The following CTNNA3 variants were observed in gnomAD, a reference collection of about 807,000 sequenced individuals.
CTNNA3 encodes the protein catenin alpha 3, also known as catenin alpha-3.
In CTNNA3, 76 loss-of-function variants were observed where a neutral mutation model predicts 95.7. The ratio of observed to expected loss-of-function variants is 0.79; its 90% CI spans 0.66 to 0.96. The LOEUF is 0.96. Ranked by LOEUF, CTNNA3 falls within the 40% of genes least tolerant of loss-of-function variation. The pLI, the probability that CTNNA3 is intolerant of heterozygous loss-of-function variation, is 0.00. For synonymous variants in CTNNA3, 431 were observed against 374.4 expected, an observed-to-expected ratio of 1.15 and a Z score of -1.74; for missense variants, 1,191 against 1,089.8, an observed-to-expected ratio of 1.09 and a Z score of -1.31.
intron 7 of CTNNA3, among the ~76,000 whole-genome samples, chr10:67,097,020 G>A (rs1313659555): frequency 6.6e-6 from 1 of 151,886 alleles, no homozygotes; most frequent in Non-Finnish European, 1.5e-5. Flanking sequence ...GGTTATCGAA[G>A]TGTGGTGTGT....
intron 12 of CTNNA3, among the ~76,000 whole-genome samples, chr10:66,323,950 C>T (rs937308024): frequency 2.0e-5 from 3 of 151,898 alleles, no homozygotes; most frequent in Non-Finnish European, 4.4e-5. Flanking sequence ...AGTTTAGTGG[C>T]TGAATGGTCC....
chr10:67,568,451 T>C (rs1326650961), intron 3 of CTNNA3, among the ~76,000 whole-genome samples: 1 of 138,518 alleles, frequency 7.2e-6, no homozygotes, highest in Non-Finnish European at 1.5e-5. Context: ...CCCTGATTGT[T>C]CCAGTATATA....
At chr10:66,127,683 A>G (rs1740462099) in intron 13 of CTNNA3, among the ~76,000 whole-genome samples, 1 of 152,220 alleles carries the variant, frequency 6.6e-6, no homozygotes, top group Non-Finnish European at 1.5e-5. Flanking sequence ...CATGAACTTA[A>G]TATTACAATG....
At chr10:65,979,605 T>C (rs1308967906) in intron 16 of CTNNA3, among the ~76,000 whole-genome samples, 3 of 152,116 alleles carry the variant, frequency 2.0e-5, no homozygotes, top group Non-Finnish European at 4.4e-5. Flanking sequence ...TCTTCTCCAC[T>C]TATACAAGAT....
intron 12 of CTNNA3, among the ~76,000 whole-genome samples, chr10:66,312,428 G>T (rs932434336): frequency 6.6e-6 from 1 of 151,988 alleles, no homozygotes; most frequent in African/African-American, 2.4e-5. Context: ...GTGTGTTTTT[G>T]TGTGTGTATG....
intron 7 of CTNNA3, among the ~76,000 whole-genome samples, chr10:66,970,794 C>A (rs565590834): frequency 1.8e-4 from 27 of 152,052 alleles, no homozygotes; most frequent in African/African-American, 6.0e-4. Flanking sequence ...TTGAATTATA[C>A]CAAAAAAGAG....
chr10:66,534,263 G>T (rs1467509339), intron 10 of CTNNA3, among the ~76,000 whole-genome samples: 1 of 152,038 alleles, frequency 6.6e-6, no homozygotes, highest in East Asian at 1.9e-4. Flanking sequence ...ATTCAAGCTG[G>T]AAAGGCCATT....
chr10:67,011,202 G>A (rs755943501), intron 7 of CTNNA3, among the ~76,000 whole-genome samples: 8 of 152,012 alleles, frequency 5.3e-5, no homozygotes, highest in Non-Finnish European at 1.2e-4. Flanking sequence ...TTAGCCGGGT[G>A]TGGTGGTATG....
At chr10:66,286,048 T>A (rs1309793905) in intron 12 of CTNNA3, among the ~76,000 whole-genome samples, 1 of 152,028 alleles carries the variant, frequency 6.6e-6, no homozygotes, top group Admixed American at 6.6e-5. Context: ...CTATAATATA[T>A]ATGGTGCTAT....
chr10:67,729,704 T>A (rs974823573), intron 1 of CTNNA3, among the ~76,000 whole-genome samples: 3 of 152,156 alleles, frequency 2.0e-5, no homozygotes, highest in Admixed American at 1.3e-4. Context: ...TAAAAGTTTA[T>A]GTTCTATGAA....
chr10:67,085,785 C>T (rs373047805), intron 7 of CTNNA3, among the ~76,000 whole-genome samples: 5 of 151,960 alleles, frequency 3.3e-5, no homozygotes, highest in East Asian at 1.9e-4. Flanking sequence ...TTTACTAATA[C>T]GCAAGCCTGC....
chr10:66,818,224 C>T (rs1842164236), intron 7 of CTNNA3, among the ~76,000 whole-genome samples: 1 of 152,078 alleles, frequency 6.6e-6, no homozygotes, highest in South Asian at 2.1e-4. Flanking sequence ...GATCAGGAAC[C>T]TGACAAGAAT....
intron 5 of CTNNA3, among the ~76,000 whole-genome samples, chr10:67,431,921 C>T (rs1434456517): frequency 6.6e-6 from 1 of 151,892 alleles, no homozygotes; most frequent in African/African-American, 2.4e-5. Flanking sequence ...GTTCGTATTC[C>T]AGTTATGGCA....
chr10:67,491,427 A>G (rs1848645489), intron 5 of CTNNA3, among the ~76,000 whole-genome samples: 1 of 152,214 alleles, frequency 6.6e-6, no homozygotes, highest in Non-Finnish European at 1.5e-5. Context: ...AAAAGTATAC[A>G]GGAAATCCTT....
intron 5 of CTNNA3, among the ~76,000 whole-genome samples, chr10:67,441,534 G>A (rs1263493885): frequency 6.6e-6 from 1 of 151,952 alleles, no homozygotes; most frequent in Non-Finnish European, 1.5e-5. Flanking sequence ...CAAAGTTCAA[G>A]GATAAAGAAA....
chr10:66,744,144 G>C (rs533851357), intron 9 of CTNNA3, among the ~76,000 whole-genome samples: 1 of 152,004 alleles, frequency 6.6e-6, no homozygotes, highest in Non-Finnish European at 1.5e-5. Context: ...AAAATGATCC[G>C]AATCCATGCT....
chr10:67,084,859 T>G (rs191753417), intron 7 of CTNNA3, among the ~76,000 whole-genome samples: 2 of 151,962 alleles, frequency 1.3e-5, no homozygotes, highest in African/African-American at 4.8e-5. Flanking sequence ...GGTTATAGAT[T>G]AGCAGTATAA....
chr10:66,965,146 G>A (rs1298366455), intron 7 of CTNNA3, among the ~76,000 whole-genome samples: 3 of 152,138 alleles, frequency 2.0e-5, no homozygotes, highest in African/African-American at 7.2e-5. Flanking sequence ...AAAGACAGCT[G>A]GGAGCCACGG....
chr10:66,949,255 T>C (rs1848419253), intron 7 of CTNNA3, among the ~76,000 whole-genome samples: 1 of 152,094 alleles, frequency 6.6e-6, no homozygotes, highest in African/African-American at 2.4e-5. Context: ...AACATCCCCT[T>C]TAAAAATCAC....
Sources: allele counts gnomAD v4.1 joint callset (sites outside exome capture counted in the v4.1 genomes callset), GRCh38; gene constraint gnomAD v4.1.1; transcripts MANE v1.5; gene names NCBI Gene and HGNC (gene_info 2026-07-23, HGNC 2026-07-21).